Variants in SLC36A4 observed in about 807,000 individuals in gnomAD.
SLC36A4 encodes the protein solute carrier family 36 member 4, also known as neutral amino acid uniporter 4.
A neutral mutation model predicts 50.5 loss-of-function variants in SLC36A4; 49 were observed. The ratio of observed to expected loss-of-function variants is 0.97; its 90% CI spans 0.77 to 1.23. The LOEUF is 1.23. Among genes scored for constraint, SLC36A4 ranks in the 50% most tolerant of loss-of-function variants. The pLI, the probability that SLC36A4 is intolerant of heterozygous loss-of-function variation, is 0.00. For missense variants in SLC36A4, 611 were observed against 608.4 expected, an observed-to-expected ratio of 1.00 and a Z score of -0.05; for synonymous variants, 207 against 206.5, an observed-to-expected ratio of 1.00 and a Z score of -0.02.
At chr11:93,192,828 T>C (rs1045225856) in intron 1 of SLC36A4, among the ~76,000 whole-genome samples, 5 of 152,168 alleles carry the variant, frequency 3.3e-5, no homozygotes, top group African/African-American at 7.2e-5. Flanking sequence ...TATCATCTGA[T>C]TTACATTTTA....
chr11:93,160,796 C>T (rs1860584018), intron 9 of SLC36A4: 1 of 933,946 alleles, frequency 1.1e-6, no homozygotes, highest in Admixed American at 6.2e-5. Flanking sequence ...AAATAGTTGT[C>T]AATTTCTGAA....
intron 9 of SLC36A4, among the ~76,000 whole-genome samples, chr11:93,161,476 G>A (rs1860614952): frequency 6.6e-6 from 1 of 152,162 alleles, no homozygotes; most frequent in African/African-American, 2.4e-5. Context: ...CCACATGTAT[G>A]CTCCTTGTGC....
intron 9 of SLC36A4, among the ~76,000 whole-genome samples, chr11:93,161,185 A>G (rs1860602007): frequency 6.6e-6 from 1 of 152,186 alleles, no homozygotes; most frequent in Admixed American, 6.5e-5. Context: ...CTATTTTCCA[A>G]ACATTGTACA....
chr11:93,179,063 T>A (rs1365109880), intron 6 of SLC36A4, among the ~76,000 whole-genome samples: 6 of 152,130 alleles, frequency 3.9e-5, no homozygotes, highest in African/African-American at 1.4e-4. Flanking sequence ...AAAATGGGTG[T>A]TTGCACAGGA....
chr11:93,183,793 GTTCACGCCA>G (rs1861851639), intron 3 of SLC36A4, among the ~76,000 whole-genome samples: 1 of 151,926 alleles, frequency 6.6e-6, no homozygotes, highest in African/African-American at 2.4e-5. Flanking sequence ...CACCTCCTGG[GTTCACGCCA>G]TTCTCCTGCC....
chr11:93,159,930 T>C, intron 9 of SLC36A4: 4 of 985,408 alleles, frequency 4.1e-6, no homozygotes, highest in Non-Finnish European at 4.8e-6. Flanking sequence ...AGCCATTAGT[T>C]CTCTAGGATA....
chr11:93,194,490 G>A (rs2134717391), intron 1 of SLC36A4, among the ~76,000 whole-genome samples: 1 of 152,242 alleles, frequency 6.6e-6, no homozygotes, highest in South Asian at 2.1e-4. Flanking sequence ...GAAATAAAGT[G>A]CAGACCTTAA....
At chr11:93,151,602 A>G (rs1341351692) in intron 10 of SLC36A4, among the ~76,000 whole-genome samples, 2 of 152,118 alleles carry the variant, frequency 1.3e-5, no homozygotes, top group Non-Finnish European at 2.9e-5. Context: ...TCTAGTCTGC[A>G]GAGGCAACTA....
At position 93,165,944 on chromosome 11, in the gene SLC36A4, C is replaced by T. The variant is rs1213202174; in HGVS notation, c.841G>A (p.Val281Ile). ...KKYPLFFGTA[V>I]FAFEGIGVVL... ...ACTCCTATGCCTTCAAAAGCAAATA[C>T]AGCAGTACCAAAAAAGAGTGGGTAT... Residue 281 changes from valine to isoleucine, a missense_variant, in exon 8 of 11, where the codon GTA becomes ATA. By Grantham distance (29) the Val-to-Ile change is conservative. Coordinates refer to ENST00000326402, the MANE Select transcript of SLC36A4 (RefSeq NM_152313.4). The T allele has an allele frequency of 6.2e-7, 1 of 1,609,806 alleles. No individual in the cohort carries two copies. Among genetic ancestry groups the T allele is most frequent in the Admixed American group, 1.7e-5 (1 of 59,866 alleles).
At chr11:93,187,192 A>G (rs919511575) in intron 1 of SLC36A4, among the ~76,000 whole-genome samples, 30 of 152,080 alleles carry the variant, frequency 2.0e-4, no homozygotes, top group African/African-American at 6.3e-4. Flanking sequence ...GAGAAATCTG[A>G]TGGCAGACTA....
intron 1 of SLC36A4, among the ~76,000 whole-genome samples, chr11:93,196,858 C>T (rs1174463916): frequency 6.6e-6 from 1 of 152,192 alleles, no homozygotes; most frequent in Admixed American, 6.5e-5. Context: ...GCACCTATCT[C>T]AGTTGCTGTG....
At chr11:93,159,520 G>A (rs1223741090) in intron 9 of SLC36A4, among the ~76,000 whole-genome samples, 1 of 152,100 alleles carries the variant, frequency 6.6e-6, no homozygotes, top group African/African-American at 2.4e-5. Context: ...CTCAGGCTGA[G>A]AATCTTGAGG....
At chr11:93,174,490 T>C (rs1242960096) in intron 6 of SLC36A4, among the ~76,000 whole-genome samples, 1 of 148,940 alleles carries the variant, frequency 6.7e-6, no homozygotes, top group Non-Finnish European at 1.5e-5. Flanking sequence ...CTATGTTGAA[T>C]AGGAGTGGTG....
In SLC36A4 at chr11:93,159,422, C is replaced by T. The variant is rs542811334; in HGVS notation, c.1037+3284G>A. ...ACCAACTTGGGAAATAAGTTGGTGA[C>T]TGCTTCTCTGTCTCTCAAGGTTGAA... On this transcript the variant is annotated intron_variant, in intron 9 of 10. Coordinates refer to ENST00000326402, the MANE Select transcript of SLC36A4 (RefSeq NM_152313.4). 2.6e-5 allele frequency among the ~76,000 whole-genome samples: 4 copies of T among 152,284 alleles called. No individual in the cohort carries two copies. In the South Asian group the frequency reaches 8.3e-4, roughly 32 times the overall value.
chr11:93,168,535 G>A (rs1860988598), intron 6 of SLC36A4, among the ~76,000 whole-genome samples: 1 of 151,840 alleles, frequency 6.6e-6, no homozygotes, highest in Non-Finnish European at 1.5e-5. Context: ...CATCAAATTT[G>A]GAACCATGCT....
chr11:93,194,964 T>C (rs917194978), intron 1 of SLC36A4, among the ~76,000 whole-genome samples: 6 of 152,128 alleles, frequency 3.9e-5, no homozygotes, highest in Non-Finnish European at 5.9e-5. Context: ...CCATTTGTAT[T>C]AGTTATCTAT....
At chr11:93,148,968 A>T in intron 10 of SLC36A4, 124 bp from the exon 11 acceptor site, 1 of 1,041,160 alleles carries the variant, frequency 9.6e-7, no homozygotes, top group South Asian at 1.6e-5. Flanking sequence ...TTGAACTACT[A>T]AACTATTGCT....
intron 6 of SLC36A4, among the ~76,000 whole-genome samples, chr11:93,177,468 T>C (rs931129651): frequency 2.6e-5 from 4 of 152,234 alleles, no homozygotes; most frequent in African/African-American, 4.8e-5. Flanking sequence ...GTCAAAGTCA[T>C]TCTCTGTCCA....
intron 1 of SLC36A4, among the ~76,000 whole-genome samples, chr11:93,186,259 G>T (rs953391327): frequency 6.6e-5 from 10 of 152,070 alleles, no homozygotes; most frequent in Non-Finnish European, 1.3e-4. Context: ...ATCAAAATTT[G>T]CCCTTTACCA....
Sources: gnomAD v4.1 joint callset for allele counts (sites outside exome capture counted in the v4.1 genomes callset) on GRCh38, gnomAD v4.1.1 for gene constraint, MANE v1.5 for transcripts, NCBI Gene and HGNC (gene_info 2026-07-23, HGNC 2026-07-21) for gene names.